The following BCAN variants were observed in gnomAD, a reference collection of about 807,000 sequenced individuals.
BCAN encodes the protein brevican.
In BCAN, 51 loss-of-function variants were observed where a neutral mutation model predicts 92.4. That is an observed-to-expected ratio of 0.55 (90% CI 0.44 to 0.70). The LOEUF is 0.70. BCAN is among the 30% of genes least tolerant of loss of function. The pLI is 0.00. For missense variants in BCAN, 1,140 were observed against 1,212.1 expected, an observed-to-expected ratio of 0.94 and a Z score of 0.88; for synonymous variants, 501 against 505.2, an observed-to-expected ratio of 0.99 and a Z score of 0.11.
In BCAN at chr1:156,647,003, C is replaced by A. The variant is rs776697842; in HGVS notation, c.294C>A (p.Val98=). The A allele has an allele frequency of 6.2e-7, 1 of 1,613,080 alleles. No individual in the cohort carries two copies. Among genetic ancestry groups the A allele is most frequent in the Non-Finnish European group, 8.5e-7 (1 of 1,179,632 alleles). The change falls in exon 3 of 14, where the codon GTC becomes GTA. Residue 98 remains valine (V), a synonymous_variant. Transcript: ENST00000329117. This position sits in a 1 kb window ranked among gnomAD's most constrained non-coding sequence, Gnocchi z 4.8. ...TGCTGGTGGCGCGGGGAGTGCGCGT[C>A]AAGGTGAACGAGGCCTACCGGTTCC... ...AEVLVARGVR[V]KVNEAYRFRV... is the part of the protein sequence containing the mutation.
At position 156,658,634 on chromosome 1, in the gene BCAN, G is replaced by A; in HGVS notation, c.2529G>A (p.Arg843=). The A allele has an allele frequency of 6.2e-7, 1 of 1,614,146 alleles. No individual in the cohort carries two copies. The highest frequency in any genetic ancestry group is 8.5e-7 in the Non-Finnish European group (1 of 1,180,042). Residue 843 remains arginine, a synonymous_variant, in exon 13 of 14, where the codon CGG becomes CGA. Coordinates refer to ENST00000329117, the MANE Select transcript of BCAN (RefSeq NM_021948.5). The surrounding 1 kb of genome is among the most constrained non-coding windows in gnomAD (Gnocchi z 4.4). Reference sequence around the variant, plus strand: ...AGGTGGACACTGTGCTTCGCTACCGGTGCCGGGAAGGACTGGCCCAGCGCA... The same window carrying A: ...AGGTGGACACTGTGCTTCGCTACCGATGCCGGGAAGGACTGGCCCAGCGCA... ...RYEVDTVLRY[R]CREGLAQRNL...
chr1:156,648,545 C>G (rs756002410), intron 5 of BCAN, 23 bp from the exon 6 acceptor site: 6 of 1,558,938 alleles, frequency 3.8e-6, no homozygotes, highest in Non-Finnish European at 4.4e-6. Context: ...GCCTGATAAC[C>G]CAGCCTTCTC....
At position 156,659,435 on chromosome 1, in the gene BCAN, GC is replaced by G; in HGVS notation, c.*304del. The G allele has an allele frequency of 2.7e-6, 1 of 365,644 alleles. No homozygotes were observed. The highest frequency in any genetic ancestry group is 4.9e-6 in the Non-Finnish European group (1 of 204,128). 22.6% of individuals were successfully genotyped at this position (365,644 alleles called of 1,614,324 possible). Reference sequence around the variant, plus strand: ...CCTCTATTCCTCTAGGGAGCACTGTGCCCACTCTTTCTGGGTTTTCCAAGGG... The same window carrying G: ...CCTCTATTCCTCTAGGGAGCACTGTGCCACTCTTTCTGGGTTTTCCAAGGG... On this transcript the variant is annotated 3_prime_UTR_variant, in exon 14 of 14. Coordinates refer to ENST00000329117, the MANE Select transcript of BCAN (RefSeq NM_021948.5).
chr1:156,643,138 A>G (rs1678845079), intron 1 of BCAN: 1 of 152,206 alleles, frequency 6.6e-6, no homozygotes, highest in South Asian at 2.1e-4. Flanking sequence ...CATTACTTAG[A>G]TTGCAGATGA....
chr1:156,658,969 G>T lies in BCAN; in HGVS notation c.2629-58G>T. 2.1e-6 allele frequency: 3 copies of T among 1,456,558 alleles called. No homozygotes were observed. Among genetic ancestry groups the T allele is most frequent in the South Asian group, 2.4e-5 (2 of 82,842 alleles). 90.2% of individuals were successfully genotyped at this position (1,456,558 alleles called of 1,614,324 possible). A position where few individuals can be genotyped will look rare whatever the true frequency, so the allele number is the denominator to read the frequency against. On this transcript the variant is annotated intron_variant, in intron 13 of 13. Coordinates refer to ENST00000329117, the MANE Select transcript of BCAN (RefSeq NM_021948.5). The surrounding 1 kb of genome is among the most constrained non-coding windows in gnomAD (Gnocchi z 4.4). ...GCTGAGCAAGAACATCAGAGGGCAGGCTCTGAGGAGAGGAGAAGGAAGAGC... is the reference window on the plus strand; with the variant it reads ...GCTGAGCAAGAACATCAGAGGGCAGTCTCTGAGGAGAGGAGAAGGAAGAGC...
At chr1:156,653,673 C>T (rs1450323359) in intron 8 of BCAN, among the ~76,000 whole-genome samples, 3 of 152,162 alleles carry the variant, frequency 2.0e-5, no homozygotes, top group East Asian at 1.9e-4. Flanking sequence ...ATTGTTCCCC[C>T]AGCCTCTCCT....
In BCAN at chr1:156,652,714, C is replaced by A; in HGVS notation, c.1764C>A (p.Ser588=). The part of the protein sequence containing the change: ...PRGESEETGS[S]EGAPSLLPAT... ...GAGAGAGCGAGGAGACAGGAAGCTC[C>A]GAGGGTGCCCCTTCCCTGCTTCCAG... is the stretch of plus-strand genomic sequence containing the variant. The change falls in exon 8 of 14, where the codon TCC becomes TCA. Residue 588 remains serine, a synonymous_variant. Coordinates refer to ENST00000329117, the MANE Select transcript of BCAN (RefSeq NM_021948.5). 1 of 1,604,402 alleles carries A rather than the reference C, an allele frequency of 6.2e-7. No individual in the cohort carries two copies. The highest frequency in any genetic ancestry group is 8.5e-7 in the Non-Finnish European group (1 of 1,173,780).
Position 156,657,671 on chromosome 1 carries a change from C to CT in BCAN, c.2210-3dup, listed in dbSNP as rs1679382219. 1 of 1,608,928 alleles carries CT rather than the reference C, an allele frequency of 6.2e-7. No individual in the cohort carries two copies. Among genetic ancestry groups the CT allele is most frequent in the East Asian group, 2.2e-5 (1 of 44,752 alleles). On this transcript the variant is annotated splice_region_variant and splice_polypyrimidine_tract_variant and intron_variant, in intron 10 of 13. Coordinates refer to ENST00000329117, the MANE Select transcript of BCAN (RefSeq NM_021948.5). ...GCGCTCACTGCACGCCTTCGTCTCCCTAGACCGGTACCGGGAGTACCAGTG... is the reference window on the plus strand; with the variant it reads ...GCGCTCACTGCACGCCTTCGTCTCCCTTAGACCGGTACCGGGAGTACCAGTG...
chr1:156,652,928 C>A, intron 8 of BCAN, 36 bp downstream of exon 8: 1 of 1,607,902 alleles, frequency 6.2e-7, no homozygotes, highest in Non-Finnish European at 8.5e-7. Context: ...CCTCTCTATC[C>A]TACTCCTTTT....
chr1:156,651,204 A>C (rs1380692093), intron 6 of BCAN, among the ~76,000 whole-genome samples: 1 of 152,168 alleles, frequency 6.6e-6, no homozygotes, highest in Admixed American at 6.5e-5. Context: ...ATTTCCCTTG[A>C]GGGTAGGAGG....
rs1423729543 is a variant in BCAN at position 156,653,487 on chromosome 1, T to G, written c.1942+595T>G. The G allele has an allele frequency of 5.1e-6, 5 of 987,006 alleles. No homozygotes were observed. The African/African-American group carries it at 8.7e-5, about 17-fold the overall frequency. 61.1% of individuals were successfully genotyped at this position (987,006 alleles called of 1,614,324 possible). On this transcript the variant is annotated intron_variant, in intron 8 of 13. Coordinates refer to ENST00000329117, the MANE Select transcript of BCAN (RefSeq NM_021948.5). Reference sequence around the variant, plus strand: ...TTTGTAACCAAGCTCTGGTACCCTCTGTCTCCATCTCCTGCTGTCCACCTC... The same window carrying G: ...TTTGTAACCAAGCTCTGGTACCCTCGGTCTCCATCTCCTGCTGTCCACCTC...
At chr1:156,645,970 A>C (rs1163852782) in intron 1 of BCAN, 77 bp from the exon 2 acceptor site, 1 of 1,278,692 alleles carries the variant, frequency 7.8e-7, no homozygotes, top group African/African-American at 1.5e-5. Flanking sequence ...GTGAACCCAC[A>C]TGGGTGTGGT....
intron 6 of BCAN, among the ~76,000 whole-genome samples, chr1:156,650,953 G>T (rs796180546): frequency 1.3e-5 from 2 of 152,056 alleles, no homozygotes; most frequent in Admixed American, 6.6e-5. Flanking sequence ...AAAAATAAAA[G>T]AATTTGGGGA....
At chr1:156,646,276 A>G in intron 2 of BCAN, 131 bp downstream of exon 2, 1 of 829,770 alleles carries the variant, frequency 1.2e-6, no homozygotes, top group Non-Finnish European at 1.9e-6. Context: ...AACACTTGGA[A>G]ATAAGGGCTG....
At chr1:156,645,635 G>A (rs973859084) in intron 1 of BCAN, among the ~76,000 whole-genome samples, 3 of 152,170 alleles carry the variant, frequency 2.0e-5, no homozygotes, top group Non-Finnish European at 4.4e-5. Context: ...GGAATTCTGA[G>A]TATAAGAGCA....
At chr1:156,648,253 T>C (rs1679051511) in intron 5 of BCAN, 143 bp downstream of exon 5, 10 of 1,238,094 alleles carry the variant, frequency 8.1e-6, no homozygotes, top group African/African-American at 1.5e-5. Flanking sequence ...GGTGTCCCTC[T>C]CTCCAAACAC....
chr1:156,656,730 T>A, intron 9 of BCAN: 1 of 650,194 alleles, frequency 1.5e-6, no homozygotes, highest in South Asian at 2.3e-5. Flanking sequence ...GGTTCCTGTC[T>A]CTTAGAAAAG....
intron 2 of BCAN, 154 bp from the exon 3 acceptor site, chr1:156,646,647 A>AGGGCCCTGGCCCCT (rs769238669): frequency 3.1e-5 from 37 of 1,181,032 alleles, no homozygotes; most frequent in Middle Eastern, 3.0e-4. Flanking sequence ...GTAGGGCTGC[A>AGGGCCCTGGCCCCT]GGACCCTGGC....
intron 10 of BCAN, chr1:156,657,399 C>G (rs1679371970): frequency 2.0e-5 from 11 of 552,232 alleles, no homozygotes; most frequent in Non-Finnish European, 3.5e-5. Flanking sequence ...CTCCGTCGGC[C>G]TCCTCCAACT....
Sources: allele counts gnomAD v4.1 joint callset (sites outside exome capture counted in the v4.1 genomes callset), GRCh38; gene constraint gnomAD v4.1.1; non-coding constraint Gnocchi (gnomAD v3.1); transcripts MANE v1.5; gene names NCBI Gene and HGNC (gene_info 2026-07-23, HGNC 2026-07-21).